CRACDL: variants seen among roughly 807,000 people sequenced by gnomAD.
The protein encoded by CRACDL is CRACD-like protein.
CRACDL carries 26 observed loss-of-function variants against 70.6 expected under a neutral mutation model. The observed-to-expected ratio is 0.37, with a 90% CI of 0.27 to 0.51. The LOEUF is 0.51. Ranked by LOEUF, CRACDL falls within the 20% of genes least tolerant of loss-of-function variation. The pLI, the probability that CRACDL is intolerant of heterozygous loss-of-function variation, is 0.94. For missense variants in CRACDL, 1,283 were observed against 1,376.9 expected (o/e 0.93, Z 1.08); for synonymous variants, 618 against 615.2 (o/e 1.00, Z -0.07).
chr2:98,877,106 G>T (rs1402278430), intron 1 of CRACDL, among the ~76,000 whole-genome samples: 3 of 152,256 alleles, frequency 2.0e-5, no homozygotes, highest in Non-Finnish European at 4.4e-5. Flanking sequence ...ACTCCAGGCA[G>T]CTGTTGCCAG....
At position 98,801,979 on chromosome 2, in the gene CRACDL, G is replaced by A. The variant is rs1479699030; in HGVS notation, c.2417-4442C>T. 3.3e-5 allele frequency among the ~76,000 whole-genome samples: 5 copies of A among 152,206 alleles called. No individual in the cohort carries two copies. The East Asian group carries it at 7.7e-4, about 23-fold the overall frequency. On this transcript the variant is annotated intron_variant, in intron 7 of 9. Coordinates refer to ENST00000397899, the MANE Select transcript of CRACDL (RefSeq NM_207362.3). ...CATTCTGCCATGACAACGAGCCCTCGTGGCTGTTGTGATAAGAAAACCACA... is the reference window on the plus strand; with the variant it reads ...CATTCTGCCATGACAACGAGCCCTCATGGCTGTTGTGATAAGAAAACCACA...
intron 2 of CRACDL, among the ~76,000 whole-genome samples, chr2:98,841,764 G>C (rs1706035943): frequency 6.6e-6 from 1 of 152,114 alleles, no homozygotes; most frequent in Non-Finnish European, 1.5e-5. Flanking sequence ...GTTCTATTAA[G>C]TTGGTGCAAA....
intron 2 of CRACDL, among the ~76,000 whole-genome samples, chr2:98,841,534 A>C (rs1402843093): frequency 6.6e-6 from 1 of 152,074 alleles, no homozygotes; most frequent in Non-Finnish European, 1.5e-5. Context: ...AAGTTATTTC[A>C]TGTTCACACA....
At chr2:98,934,635 T>C (rs975135933) in intron 1 of CRACDL, among the ~76,000 whole-genome samples, 2 of 152,172 alleles carry the variant, frequency 1.3e-5, no homozygotes, top group African/African-American at 4.8e-5. Context: ...CTTTATTTTA[T>C]AAGTGAGGAA....
chr2:98,876,961 T>C (rs932831221), intron 1 of CRACDL, among the ~76,000 whole-genome samples: 1 of 152,204 alleles, frequency 6.6e-6, no homozygotes, highest in African/African-American at 2.4e-5. Context: ...GATACATTCT[T>C]TTCATCACCA....
At chr2:98,861,893 A>C (rs1401435768) in intron 1 of CRACDL, among the ~76,000 whole-genome samples, 1 of 152,208 alleles carries the variant, frequency 6.6e-6, no homozygotes, top group African/African-American at 2.4e-5. Context: ...CAGTGTAAGC[A>C]AAAGGGACCC....
intron 1 of CRACDL, among the ~76,000 whole-genome samples, chr2:98,889,560 A>T (rs1255883926): frequency 6.6e-6 from 1 of 152,222 alleles, no homozygotes; most frequent in Admixed American, 6.5e-5. Context: ...GACAGCAGTA[A>T]TAGTTGGAAT....
intron 7 of CRACDL, among the ~76,000 whole-genome samples, chr2:98,817,078 G>A (rs1704811527): frequency 6.6e-6 from 1 of 152,196 alleles, no homozygotes; most frequent in Non-Finnish European, 1.5e-5. Context: ...AGGACATTAT[G>A]CTAAGTGAAA....
chr2:98,859,507 A>C (rs902312700), intron 1 of CRACDL, among the ~76,000 whole-genome samples: 2 of 152,234 alleles, frequency 1.3e-5, no homozygotes, highest in African/African-American at 4.8e-5. Context: ...TTCAACATAC[A>C]TATGAAAAAT....
chr2:98,932,199 G>A (rs376944182), intron 1 of CRACDL, among the ~76,000 whole-genome samples: 36 of 152,300 alleles, frequency 2.4e-4, no homozygotes, highest in African/African-American at 8.2e-4. Flanking sequence ...AGAAGAGATC[G>A]GCGGGACACC....
intron 5 of CRACDL, among the ~76,000 whole-genome samples, chr2:98,828,777 C>T (rs541989077): frequency 7.2e-5 from 11 of 152,236 alleles, no homozygotes; most frequent in East Asian, 1.9e-4. Flanking sequence ...CAGGTACTTA[C>T]GGGAATAAAG....
chr2:98,922,384 G>A (rs1708824138), intron 1 of CRACDL, among the ~76,000 whole-genome samples: 1 of 142,140 alleles, frequency 7.0e-6, no homozygotes, highest in Non-Finnish European at 1.5e-5. Context: ...AGGTTGCAGT[G>A]ATCCGAGATC....
intron 1 of CRACDL, among the ~76,000 whole-genome samples, chr2:98,889,354 CCA>C (rs2104632415): frequency 7.0e-6 from 1 of 143,314 alleles, no homozygotes; most frequent in Admixed American, 7.0e-5. Context: ...GAAACAGTAA[CCA>C]AAACAGAGCT....
chr2:98,823,892 T>C lies in CRACDL; in HGVS notation c.736-355A>G, dbSNP rs1463619116. Among the ~76,000 whole-genome samples the C allele has an allele frequency of 6.6e-6, 1 of 152,214 alleles. No homozygotes were observed. Among genetic ancestry groups the C allele is most frequent in the Non-Finnish European group, 1.5e-5 (1 of 68,044 alleles). On this transcript the variant is annotated intron_variant, in intron 6 of 9. Transcript: ENST00000397899. This position sits in a 1 kb window ranked among gnomAD's most constrained non-coding sequence, Gnocchi z 4.0. ...CTTGTTATTTCATTTAATCTTCCAT[T>C]CATCCCAGTGAGGAAGGGATGATGA... is the stretch of plus-strand genomic sequence containing the variant.
chr2:98,801,423 AAAG>A (rs2104407500), intron 7 of CRACDL, among the ~76,000 whole-genome samples: 1 of 152,366 alleles, frequency 6.6e-6, no homozygotes, highest in Admixed American at 6.5e-5. Context: ...GCTGAGCCTC[AAAG>A]AAGCTGTGCC....
intron 7 of CRACDL, among the ~76,000 whole-genome samples, chr2:98,801,867 T>C (rs1461377524): frequency 1.3e-5 from 2 of 152,204 alleles, no homozygotes; most frequent in African/African-American, 4.8e-5. Context: ...TATGTGCTTG[T>C]TGCTAGTGTT....
intron 7 of CRACDL, among the ~76,000 whole-genome samples, chr2:98,804,695 G>C (rs1348652354): frequency 6.6e-6 from 1 of 152,192 alleles, no homozygotes; most frequent in African/African-American, 2.4e-5. Flanking sequence ...GTGTGTTTCA[G>C]ATAAGCTTCA....
In CRACDL at chr2:98,796,187, C is replaced by G; in HGVS notation, c.2682G>C (p.Lys894Asn). ...ITPVKPAVDR[K>N]QGAKLNFKEG... ...CCTTGAAGTTGAGCTTTGCCCCCTGCTTCCGGTCCACAGCGGGCTTCACAG... is the reference window on the plus strand; with the variant it reads ...CCTTGAAGTTGAGCTTTGCCCCCTGGTTCCGGTCCACAGCGGGCTTCACAG... Residue 894 changes from lysine (K) to asparagine (N), a missense_variant, in exon 9 of 10, where the codon AAG becomes AAC. Physicochemically the swap from Lys to Asn is moderately conservative, Grantham distance 94. Around this residue, in one of 2 missense-constraint regions of CRACDL, gnomAD observed 921 missense variants for 881.9 expected, o/e 1.04. Transcript: ENST00000397899. 6.2e-7 allele frequency: 1 copy of G among 1,614,116 alleles called. No individual in the cohort carries two copies. The highest frequency in any genetic ancestry group is 8.5e-7 in the Non-Finnish European group (1 of 1,179,902).
chr2:98,867,461 G>A (rs745901695), intron 1 of CRACDL, among the ~76,000 whole-genome samples: 15 of 152,102 alleles, frequency 9.9e-5, no homozygotes, highest in Non-Finnish European at 1.9e-4. Flanking sequence ...ACAGCGACCT[G>A]TTTACACATT....
Sources: allele counts gnomAD v4.1 joint callset (sites outside exome capture counted in the v4.1 genomes callset), GRCh38; gene constraint gnomAD v4.1.1; regional missense constraint gnomAD v4.1.1; non-coding constraint Gnocchi (gnomAD v3.1); transcripts MANE v1.5; gene names NCBI Gene and HGNC (gene_info 2026-07-23, HGNC 2026-07-21).